The following HPSE2 variants were observed in gnomAD, a reference collection of about 807,000 sequenced individuals.
HPSE2 encodes the protein inactive heparanase-2.
A neutral mutation model predicts 60.5 loss-of-function variants in HPSE2; 38 were observed. The observed-to-expected ratio is 0.63, with a 90% confidence interval of 0.48 to 0.82. The LOEUF (loss-of-function observed/expected upper bound fraction) is 0.82, where lower values mean the gene tolerates loss of function less well. Among genes scored for constraint, HPSE2 ranks in the 40% least tolerant of loss-of-function variants. The pLI, the probability that HPSE2 is intolerant of heterozygous loss-of-function variation, is 0.00. For missense variants in HPSE2, 713 were observed against 740.4 expected (o/e 0.96, Z 0.43); for synonymous variants, 295 against 293.2 (o/e 1.01, Z -0.06).
At chr10:98,986,497 G>A (rs1193023900) in intron 3 of HPSE2, among the ~76,000 whole-genome samples, 1 of 151,294 alleles carries the variant, frequency 6.6e-6, no homozygotes, top group Non-Finnish European at 1.5e-5. Context: ...AAAGCAGTGT[G>A]TAGAGGGAAA....
chr10:98,638,716 G>T (rs1467128576), intron 7 of HPSE2, among the ~76,000 whole-genome samples: 2 of 152,292 alleles, frequency 1.3e-5, no homozygotes, highest in South Asian at 4.1e-4. Context: ...TGGTGAGAGA[G>T]ACTCTCCTCT....
chr10:98,762,156 T>C (rs985980167), intron 3 of HPSE2, among the ~76,000 whole-genome samples: 14 of 151,858 alleles, frequency 9.2e-5, no homozygotes, highest in African/African-American at 3.4e-4. Context: ...GACTTGTCTC[T>C]CTGCACAGAA....
chr10:98,895,750 C>A (rs1953468855), intron 3 of HPSE2, among the ~76,000 whole-genome samples: 1 of 150,898 alleles, frequency 6.6e-6, no homozygotes. Context: ...GAATACTATG[C>A]AGCCATAAAA....
rs192036299 is a variant in HPSE2 at position 98,883,503 on chromosome 10, A to G, written c.611-139447T>C. ...AAAATGGCTAGAAACTTTTAGAGCT[A>G]GCTAATAATTAAGAATCTTGGCTGG... On this transcript the variant is annotated intron_variant, in intron 3 of 11. Coordinates refer to ENST00000370552, the MANE Select transcript of HPSE2 (RefSeq NM_021828.5). 8.3e-4 allele frequency among the ~76,000 whole-genome samples: 126 copies of G among 152,222 alleles called. No homozygotes were observed. The East Asian group carries it at 0.013, about 16-fold the overall frequency.
At chr10:99,191,958 C>T (rs537165640) in intron 2 of HPSE2, among the ~76,000 whole-genome samples, 2 of 152,134 alleles carry the variant, frequency 1.3e-5, no homozygotes, top group Non-Finnish European at 2.9e-5. Context: ...AGCAGAAAAT[C>T]TGGAGATGAA....
At chr10:99,099,112 G>A (rs534403612) in intron 3 of HPSE2, among the ~76,000 whole-genome samples, 12 of 152,308 alleles carry the variant, frequency 7.9e-5, no homozygotes, top group Middle Eastern at 3.4e-3. Flanking sequence ...GAGGTACTGG[G>A]TTCATCTCAC....
intron 3 of HPSE2, among the ~76,000 whole-genome samples, chr10:99,136,318 G>A (rs1201336309): frequency 2.0e-5 from 3 of 152,082 alleles, no homozygotes; most frequent in Admixed American, 6.6e-5. Flanking sequence ...GGTACAAAGA[G>A]GAACAGGTAC....
chr10:98,908,746 T>G (rs1953898461), intron 3 of HPSE2, among the ~76,000 whole-genome samples: 1 of 150,616 alleles, frequency 6.6e-6, no homozygotes, highest in South Asian at 2.1e-4. Context: ...TTGCTTAATA[T>G]TCCATATATT....
intron 9 of HPSE2, among the ~76,000 whole-genome samples, chr10:98,499,241 G>C (rs1941951096): frequency 6.6e-6 from 1 of 152,170 alleles, no homozygotes; most frequent in Admixed American, 6.5e-5. Flanking sequence ...AATCTTAAGA[G>C]CTGTGAGACA....
At chr10:98,764,679 C>G (rs1421837573) in intron 3 of HPSE2, among the ~76,000 whole-genome samples, 2 of 152,038 alleles carry the variant, frequency 1.3e-5, no homozygotes, top group Non-Finnish European at 2.9e-5. Flanking sequence ...CATGGTGAAA[C>G]CCTGTCTTCT....
At chr10:98,984,494 G>A (rs191521277) in intron 3 of HPSE2, among the ~76,000 whole-genome samples, 8 of 152,230 alleles carry the variant, frequency 5.3e-5, no homozygotes, top group East Asian at 1.9e-4. Context: ...CCATCTGTAC[G>A]TCACCATCAT....
intron 11 of HPSE2, among the ~76,000 whole-genome samples, chr10:98,465,444 GC>G (rs1940486444): frequency 6.6e-6 from 1 of 152,168 alleles, no homozygotes; most frequent in Admixed American, 6.5e-5. Flanking sequence ...CTTAACCATA[GC>G]CCTATCTGGC....
intron 9 of HPSE2, among the ~76,000 whole-genome samples, chr10:98,609,752 G>T (rs1945695869): frequency 6.7e-6 from 1 of 149,830 alleles, no homozygotes; most frequent in Non-Finnish European, 1.5e-5. Flanking sequence ...GCAGAGCTAG[G>T]ACTAGAACTC....
intron 3 of HPSE2, among the ~76,000 whole-genome samples, chr10:98,852,396 T>C (rs1952203254): frequency 6.6e-6 from 1 of 152,120 alleles, no homozygotes; most frequent in African/African-American, 2.4e-5. Flanking sequence ...TTATAGGTCA[T>C]AAGACAGGAT....
At chr10:98,926,308 T>C (rs185164069) in intron 3 of HPSE2, among the ~76,000 whole-genome samples, 115 of 152,234 alleles carry the variant, frequency 7.6e-4, no homozygotes, top group African/African-American at 2.5e-3. Context: ...AGGAAAGGTC[T>C]ACATAAGAAT....
intron 8 of HPSE2, among the ~76,000 whole-genome samples, chr10:98,620,234 T>C (rs1946036402): frequency 6.6e-6 from 1 of 152,174 alleles, no homozygotes; most frequent in Admixed American, 6.5e-5. Flanking sequence ...TATTTTTTTC[T>C]GGAGGGAAAA....
intron 9 of HPSE2, among the ~76,000 whole-genome samples, chr10:98,501,481 A>G (rs924158105): frequency 2.0e-5 from 3 of 152,192 alleles, no homozygotes; most frequent in South Asian, 2.1e-4. Context: ...CAGAAAAAGC[A>G]CTTGACAAAA....
chr10:98,843,205 C>T lies in HPSE2; in HGVS notation c.611-99149G>A, dbSNP rs113731757. Among the ~76,000 whole-genome samples the T allele has an allele frequency of 3.6e-3, 552 of 152,226 alleles. 3 individuals are homozygous for T. The highest frequency in any genetic ancestry group is 0.013 in the African/African-American group (528 of 41,538). ...TCCTCCTCCTCCTCCCACCCTCCAC[C>T]CTCCGATAGGCCCCAGTGTCTGTTG... On this transcript the variant is annotated intron_variant, in intron 3 of 11. Coordinates refer to ENST00000370552, the MANE Select transcript of HPSE2 (RefSeq NM_021828.5).
the HPSE2 span, among the ~76,000 whole-genome samples, chr10:99,304,840 G>A: frequency 6.6e-6 from 1 of 152,182 alleles, no homozygotes; most frequent in Non-Finnish European, 1.5e-5. Flanking sequence ...CACATGGGCA[G>A]GAGTGACAAA....
Sources: allele counts gnomAD v4.1 joint callset (sites outside exome capture counted in the v4.1 genomes callset), GRCh38; gene constraint gnomAD v4.1.1; transcripts MANE v1.5; gene names NCBI Gene and HGNC (gene_info 2026-07-23, HGNC 2026-07-21).